R3HDM1: variants seen among roughly 807,000 people sequenced by gnomAD.
R3HDM1 encodes the protein R3H domain-containing protein 1.
Under a neutral mutation model 141.1 loss-of-function variants are expected in R3HDM1, and 46 were observed. That is an observed-to-expected ratio of 0.33 (90% CI 0.26 to 0.42). The LOEUF (loss-of-function observed/expected upper bound fraction) is 0.42. Among genes scored for constraint, R3HDM1 ranks in the 10% least tolerant of loss-of-function variants. R3HDM1 has a pLI of 1.00. For missense variants in R3HDM1, 1,184 were observed against 1,368.3 expected (o/e 0.87, Z 2.12); for synonymous variants, 435 against 472.9 (o/e 0.92, Z 1.04).
In R3HDM1 at chr2:135,531,574, AGCCCCGCCGTC is replaced by A; in HGVS notation, c.-299_-289del. 1 of 986,542 alleles carries A rather than the reference AGCCCCGCCGTC, an allele frequency of 1.0e-6. No individual in the cohort carries two copies. Among genetic ancestry groups the A allele is most frequent in the Non-Finnish European group, 1.2e-6 (1 of 830,580 alleles). The allele number at this position is 986,542 out of a possible 1,614,324, so 61.1% of individuals were successfully genotyped here. ...GTAAGACTCTTACTTGCACCCACCC[AGCCCCGCCGTC>A]GCCCCGCCGCGCCGCGCTCCAACCG... On this transcript the variant is annotated 5_prime_UTR_variant, in exon 1 of 27. It removes the in-frame stop codon of an upstream open reading frame in the 5' UTR. Transcript: ENST00000683871.
chr2:135,671,979 A>G (rs1263815581), intron 19 of R3HDM1, among the ~76,000 whole-genome samples: 3 of 152,094 alleles, frequency 2.0e-5, no homozygotes, highest in Non-Finnish European at 1.5e-5. Flanking sequence ...CTGTCTCAAA[A>G]AAAAAAAAGG....
chr2:135,538,738 C>T (rs1696789477), intron 1 of R3HDM1, among the ~76,000 whole-genome samples: 1 of 152,128 alleles, frequency 6.6e-6, no homozygotes, highest in African/African-American at 2.4e-5. Flanking sequence ...CTCAGCCTCC[C>T]AAGTAGCTGG....
intron 18 of R3HDM1, among the ~76,000 whole-genome samples, chr2:135,657,535 C>T (rs558188037): frequency 2.6e-5 from 4 of 152,114 alleles, no homozygotes; most frequent in African/African-American, 9.6e-5. Flanking sequence ...TATGTTAATG[C>T]TTCAAAGACA....
intron 21 of R3HDM1, among the ~76,000 whole-genome samples, chr2:135,699,125 A>G (rs891565023): frequency 2.2e-5 from 3 of 135,540 alleles, no homozygotes; most frequent in African/African-American, 8.6e-5. Flanking sequence ...AAACCCCAAA[A>G]AATAGCAAAA....
chr2:135,722,965 G>C (rs1172365654), intron 26 of R3HDM1, among the ~76,000 whole-genome samples: 1 of 152,088 alleles, frequency 6.6e-6, no homozygotes, highest in Non-Finnish European at 1.5e-5. Context: ...GGTGTGGTTA[G>C]GGCAAGTGCT....
chr2:135,680,826 C>G (rs1303991317), intron 21 of R3HDM1, among the ~76,000 whole-genome samples: 1 of 152,066 alleles, frequency 6.6e-6, no homozygotes, highest in African/African-American at 2.4e-5. Context: ...GAAAGCAGTC[C>G]ATATAAAAGC....
intron 1 of R3HDM1, among the ~76,000 whole-genome samples, chr2:135,578,486 C>T (rs147378324): frequency 2.2e-4 from 34 of 152,244 alleles, no homozygotes; most frequent in Non-Finnish European, 4.4e-4. Context: ...TCTCAGAACC[C>T]TGGTAATTTT....
At chr2:135,632,289 A>G (rs1559297218) in intron 9 of R3HDM1, among the ~76,000 whole-genome samples, 1 of 151,864 alleles carries the variant, frequency 6.6e-6, no homozygotes, top group Non-Finnish European at 1.5e-5. Flanking sequence ...GGGATTTTTA[A>G]AATTAATTTA....
chr2:135,712,678 T>C (rs1351720037), intron 23 of R3HDM1, among the ~76,000 whole-genome samples: 1 of 151,812 alleles, frequency 6.6e-6, no homozygotes, highest in Non-Finnish European at 1.5e-5. Context: ...TCCTAGCACT[T>C]TGGGAGGCCG....
At chr2:135,712,677 T>C (rs1456405433) in intron 23 of R3HDM1, among the ~76,000 whole-genome samples, 1 of 151,888 alleles carries the variant, frequency 6.6e-6, no homozygotes, top group Non-Finnish European at 1.5e-5. Flanking sequence ...ATCCTAGCAC[T>C]TTGGGAGGCC....
At chr2:135,649,026 G>A (rs1410847991) in intron 16 of R3HDM1, 1 of 151,076 alleles carries the variant, frequency 6.6e-6, no homozygotes, top group Non-Finnish European at 1.5e-5. Flanking sequence ...TGTTCCTTAG[G>A]CTATTATTCT....
intron 19 of R3HDM1, among the ~76,000 whole-genome samples, chr2:135,674,239 C>T (rs2068808031): frequency 6.6e-6 from 1 of 152,196 alleles, no homozygotes; most frequent in Non-Finnish European, 1.5e-5. Flanking sequence ...ATAATCAATA[C>T]TTGAAATTGC....
At chr2:135,585,264 A>T (rs1268535301) in intron 1 of R3HDM1, among the ~76,000 whole-genome samples, 1 of 152,178 alleles carries the variant, frequency 6.6e-6, no homozygotes, top group African/African-American at 2.4e-5. Context: ...ATATTTTTTC[A>T]CATTATACTA....
intron 1 of R3HDM1, among the ~76,000 whole-genome samples, chr2:135,572,802 G>T (rs562356284): frequency 6.6e-6 from 1 of 152,314 alleles, no homozygotes; most frequent in South Asian, 2.1e-4. Flanking sequence ...GTGTATCCAT[G>T]AAATGGAATA....
intron 8 of R3HDM1, 38 bp downstream of exon 8, chr2:135,631,815 C>T: frequency 6.3e-7 from 1 of 1,574,992 alleles, no homozygotes; most frequent in Non-Finnish European, 8.6e-7. Flanking sequence ...AAATTGTCAT[C>T]ACCATTCTCC....
intron 15 of R3HDM1, among the ~76,000 whole-genome samples, chr2:135,644,888 C>T (rs1001929471): frequency 6.6e-6 from 1 of 152,068 alleles, no homozygotes; most frequent in Admixed American, 6.6e-5. Flanking sequence ...TCAAGACCAG[C>T]CTGGCCAAAG....
At chr2:135,576,958 A>G in intron 1 of R3HDM1, 2 of 361,026 alleles carry the variant, frequency 5.5e-6, no homozygotes, top group Non-Finnish European at 7.7e-6. Context: ...TGAATATACT[A>G]AAAGCCACTG....
At chr2:135,592,197 A>G (rs1280386437) in intron 1 of R3HDM1, among the ~76,000 whole-genome samples, 3 of 152,226 alleles carry the variant, frequency 2.0e-5, no homozygotes, top group Non-Finnish European at 4.4e-5. Flanking sequence ...ATATCATAGT[A>G]ACCTCATTAG....
chr2:135,547,128 T>C (rs190469909), intron 1 of R3HDM1, among the ~76,000 whole-genome samples: 21 of 152,316 alleles, frequency 1.4e-4, no homozygotes, highest in Admixed American at 1.1e-3. Context: ...TTCAGTATGC[T>C]TGACAAATTA....
Sources: allele counts gnomAD v4.1 joint callset (sites outside exome capture counted in the v4.1 genomes callset), GRCh38; gene constraint gnomAD v4.1.1; transcripts MANE v1.5; gene names NCBI Gene and HGNC (gene_info 2026-07-23, HGNC 2026-07-21).